Variants in TRIP11 observed in about 807,000 individuals in gnomAD.
TRIP11 encodes the protein thyroid receptor-interacting protein 11.
A neutral mutation model predicts 223.1 loss-of-function variants in TRIP11; 148 were observed. That is an observed-to-expected ratio of 0.66 (90% CI 0.58 to 0.76). The LOEUF (loss-of-function observed/expected upper bound fraction) is 0.76. TRIP11 is among the 30% of genes least tolerant of loss of function. The pLI is 0.00. For missense variants in TRIP11, 2,043 were observed against 2,222.0 expected, an observed-to-expected ratio of 0.92 and a Z score of 1.62; for synonymous variants, 762 against 772.6, an observed-to-expected ratio of 0.99 and a Z score of 0.23.
At chr14:91,979,120 G>A (rs529174524) in intron 16 of TRIP11, among the ~76,000 whole-genome samples, 1 of 152,146 alleles carries the variant, frequency 6.6e-6, no homozygotes, top group South Asian at 2.1e-4. Flanking sequence ...AGTCGGGTGT[G>A]GCGGCATGAA....
At chr14:91,982,523 T>C (rs2056557700) in intron 16 of TRIP11, among the ~76,000 whole-genome samples, 1 of 152,208 alleles carries the variant, frequency 6.6e-6, no homozygotes, top group African/African-American at 2.4e-5. Flanking sequence ...GCTCACTACC[T>C]GAGTGACAAG....
intron 8 of TRIP11, among the ~76,000 whole-genome samples, chr14:92,011,273 C>A (rs543635683): frequency 6.6e-6 from 1 of 152,080 alleles, no homozygotes; most frequent in African/African-American, 2.4e-5. Context: ...AGGCAGATCA[C>A]AAGGTCAGGA....
rs1158083530 is a variant in TRIP11 at position 92,003,782 on chromosome 14, T to C, written c.4194A>G (p.Leu1398=). The part of the protein sequence containing the change: ...HEQTDSEIKQ[L]KEKQDVLQKL... ...TTTGCAAAACATCTTGTTTCTCCTT[T>C]AGCTGCTTGATTTCTGAATCGGTTT... The change falls in exon 11 of 21, where the codon CTA becomes CTG. Residue 1398 remains leucine, a synonymous_variant. Transcript: ENST00000267622. 2 of 1,614,202 alleles carry C rather than the reference T, an allele frequency of 1.2e-6. No individual in the cohort carries two copies. The highest frequency in any genetic ancestry group is 3.3e-5 in the Admixed American group (2 of 60,028).
intron 14 of TRIP11, among the ~76,000 whole-genome samples, chr14:91,994,529 C>G (rs2056723637): frequency 6.6e-6 from 1 of 152,160 alleles, no homozygotes; most frequent in South Asian, 2.1e-4. Context: ...CAGGCATGAG[C>G]CACCGTGCCC....
intron 16 of TRIP11, among the ~76,000 whole-genome samples, chr14:91,981,294 G>A (rs1351990425): frequency 2.0e-5 from 3 of 151,312 alleles, no homozygotes; most frequent in Non-Finnish European, 4.4e-5. Context: ...GGGATTACGA[G>A]TGTGAACCAC....
At chr14:91,997,922 C>CA (rs1338786140) in intron 13 of TRIP11, among the ~76,000 whole-genome samples, 4 of 151,870 alleles carry the variant, frequency 2.6e-5, no homozygotes, top group African/African-American at 4.8e-5. Context: ...TTGAAAAGTG[C>CA]AAAAAAAGAG....
In TRIP11 at chr14:92,004,510, T is replaced by C; in HGVS notation, c.3466A>G (p.Arg1156Gly). ...RFESSGQDMF[R>G]ETIQNLSRII... ...CGTGATAAATTCTGAATAGTTTCTCTAAACATATCTTGGCCACTACTTTCA... is the reference window on the plus strand; with the variant it reads ...CGTGATAAATTCTGAATAGTTTCTCCAAACATATCTTGGCCACTACTTTCA... The change falls in exon 11 of 21, where the codon AGA becomes GGA. Residue 1156 changes from arginine (R) to glycine (G), a missense_variant. By Grantham distance (125) the Arg-to-Gly change is moderately radical. Transcript: ENST00000267622. 6.2e-7 allele frequency: 1 copy of C among 1,613,276 alleles called. No individual in the cohort carries two copies. Among genetic ancestry groups the C allele is most frequent in the Non-Finnish European group, 8.5e-7 (1 of 1,179,986 alleles).
At position 91,969,884 on chromosome 14, in the gene TRIP11, T is replaced by A. The variant is rs370052334; in HGVS notation, c.5729A>T (p.Glu1910Val). Reference sequence around the variant, plus strand: ...ATCTGTTCTTCTACCAGACCTGGATTCTGCTGTATCTAAAGAATAAAATAT... The same window carrying A: ...ATCTGTTCTTCTACCAGACCTGGATACTGCTGTATCTAAAGAATAAAATAT... ...NAPESFKDTA[E>V]SRSGRRTDVN... Residue 1910 changes from glutamate to valine, a missense_variant, in exon 21 of 21, where the codon GAA (glutamate) becomes GTA (valine). By Grantham distance (121) the Glu-to-Val change is moderately radical. Coordinates refer to ENST00000267622, the MANE Select transcript of TRIP11 (RefSeq NM_004239.4). 5 of 1,613,740 alleles carry A rather than the reference T, an allele frequency of 3.1e-6. No homozygotes were observed. Among genetic ancestry groups the A allele is most frequent in the South Asian group, 1.1e-5 (1 of 91,010 alleles).
At chr14:91,984,882 T>C (rs2056586338) in intron 16 of TRIP11, among the ~76,000 whole-genome samples, 1 of 152,240 alleles carries the variant, frequency 6.6e-6, no homozygotes, top group Non-Finnish European at 1.5e-5. Flanking sequence ...TCTTTGGAAC[T>C]GTATTGAAGA....
chr14:91,998,147 T>C (rs1442965856), intron 13 of TRIP11, among the ~76,000 whole-genome samples: 1 of 152,230 alleles, frequency 6.6e-6, no homozygotes, highest in Non-Finnish European at 1.5e-5. Context: ...TTATCTCATT[T>C]TATCTCCCTT....
At chr14:92,014,698 C>A in intron 6 of TRIP11, 121 bp from the exon 7 acceptor site, 1 of 1,038,498 alleles carries the variant, frequency 9.6e-7, no homozygotes, top group Non-Finnish European at 1.3e-6. Flanking sequence ...AGTTAAATTA[C>A]TATAATAAAC....
At position 92,021,756 on chromosome 14, in the gene TRIP11, A is replaced by C; in HGVS notation, c.388T>G (p.Ser130Ala). Residue 130 changes from serine (S) to alanine (A), a missense_variant, in exon 4 of 21, where the codon TCA becomes GCA. Ser to Ala is a moderately conservative substitution (Grantham distance 99). Transcript: ENST00000267622. ...GGTACACCAGCTCCTGAAGGTACTG[A>C]CTGAGCAGCTGACTGCAGTTTCAGC... ...QLLKLQSAAQSVPSGAGVPAT... is the reference protein window; with the variant it reads ...QLLKLQSAAQAVPSGAGVPAT... 1 of 1,614,206 alleles carries C rather than the reference A, an allele frequency of 6.2e-7. No individual in the cohort carries two copies. Among genetic ancestry groups the C allele is most frequent in the Non-Finnish European group, 8.5e-7 (1 of 1,180,040 alleles).
In TRIP11 at chr14:91,966,268, A is replaced by G. The variant is rs922786036; in HGVS notation, c.*3405T>C. On this transcript the variant is annotated 3_prime_UTR_variant, in exon 21 of 21. Transcript: ENST00000267622. Reference sequence around the variant, plus strand: ...AATAAGTTAAAAAGTAAAGACTGGCAAATAATCACAAATGTCAGAACATTA... The same window carrying G: ...AATAAGTTAAAAAGTAAAGACTGGCGAATAATCACAAATGTCAGAACATTA... The G allele has an allele frequency of 5.1e-5, 9 of 177,866 alleles. No homozygotes were observed. The highest frequency in any genetic ancestry group is 1.7e-4 in the African/African-American group (7 of 42,290). The allele number at this position is 177,866 out of a possible 1,614,324, so 11.0% of individuals were successfully genotyped here.
At chr14:92,003,369 AG>A (rs779149650) in intron 11 of TRIP11, 49 bp downstream of exon 11, 1 of 1,605,200 alleles carries the variant, frequency 6.2e-7, no homozygotes, top group African/African-American at 1.3e-5. Context: ...CATTAAAAAA[AG>A]TCTCCTCCAC....
chr14:92,035,694 C>T (rs1415945116), intron 1 of TRIP11, among the ~76,000 whole-genome samples: 3 of 151,798 alleles, frequency 2.0e-5, no homozygotes, highest in Non-Finnish European at 2.9e-5. Context: ...TCTCCCACCT[C>T]AGCCTCCCCA....
rs1451731175 is a variant in TRIP11 at position 91,969,840 on chromosome 14, G to A, written c.5773C>T (p.Pro1925Ser). The A allele has an allele frequency of 1.2e-6, 2 of 1,614,120 alleles. No homozygotes were observed. Among genetic ancestry groups the A allele is most frequent in the Non-Finnish European group, 1.7e-6 (2 of 1,180,018 alleles). Reference sequence around the variant, plus strand: ...ATAAGAGGTACAGCTGCCGAGCGAGGAGCCAAAAACGGATTTACATCTGTT... The same window carrying A: ...ATAAGAGGTACAGCTGCCGAGCGAGAAGCCAAAAACGGATTTACATCTGTT... ...RRTDVNPFLA[P>S]RSAAVPLINP... The change falls in exon 21 of 21, where the codon CCT becomes TCT. Residue 1925 changes from proline (P) to serine (S), a missense_variant. Pro to Ser is a moderately conservative substitution (Grantham distance 74, BLOSUM62 -1). Coordinates refer to ENST00000267622, the MANE Select transcript of TRIP11 (RefSeq NM_004239.4).
intron 2 of TRIP11, among the ~76,000 whole-genome samples, chr14:92,025,878 CA>C (rs372915026): frequency 1.6e-3 from 118 of 74,036 alleles, no homozygotes; most frequent in South Asian, 4.1e-3. Flanking sequence ...GACTCCGTCT[CA>C]AAAAAAAAAA....
At chr14:92,025,532 T>C (rs994156196) in intron 2 of TRIP11, 112 bp from the exon 3 acceptor site, 9 of 742,410 alleles carry the variant, frequency 1.2e-5, no homozygotes, top group Admixed American at 4.7e-5. Context: ...ATGTCAAATA[T>C]AAAAGGTCTC....
At chr14:91,990,117 A>G (rs549819950) in intron 15 of TRIP11, among the ~76,000 whole-genome samples, 1 of 152,242 alleles carries the variant, frequency 6.6e-6, no homozygotes, top group South Asian at 2.1e-4. Context: ...AATTTGACAC[A>G]TATACATACA....
Sources: allele counts gnomAD v4.1 joint callset (sites outside exome capture counted in the v4.1 genomes callset), GRCh38; gene constraint gnomAD v4.1.1; transcripts MANE v1.5; gene names NCBI Gene and HGNC (gene_info 2026-07-23, HGNC 2026-07-21).